LRMDA: variants seen among roughly 807,000 people sequenced by gnomAD.
The protein encoded by LRMDA is leucine-rich melanocyte differentiation-associated protein.
Under a neutral mutation model 29.8 loss-of-function variants are expected in LRMDA, and 18 were observed. The observed-to-expected ratio is 0.60, with a 90% CI of 0.42 to 0.90. The LOEUF (loss-of-function observed/expected upper bound fraction) is 0.90, where lower values mean the gene tolerates loss of function less well. LRMDA is among the 40% of genes least tolerant of loss of function. The pLI, the probability that LRMDA is intolerant of heterozygous loss-of-function variation, is 0.00. For missense variants in LRMDA, 273 were observed against 273.9 expected, an observed-to-expected ratio of 1.00 and a Z score of 0.02; for synonymous variants, 125 against 109.4, an observed-to-expected ratio of 1.14 and a Z score of -0.89.
At chr10:76,422,897 A>G (rs529205397) in intron 6 of LRMDA, among the ~76,000 whole-genome samples, 60 of 152,342 alleles carry the variant, frequency 3.9e-4, no homozygotes, top group African/African-American at 1.3e-3. Context: ...TTCCTCATGA[A>G]AAAAGAACTT....
chr10:75,895,880 A>G (rs559294900), intron 2 of LRMDA, among the ~76,000 whole-genome samples: 3 of 152,296 alleles, frequency 2.0e-5, no homozygotes, highest in East Asian at 3.9e-4. Flanking sequence ...AGAAATGAGT[A>G]TGGTGAAGTG....
intron 2 of LRMDA, among the ~76,000 whole-genome samples, chr10:75,803,966 C>G (rs769107691): frequency 1.3e-5 from 2 of 152,180 alleles, no homozygotes; most frequent in Non-Finnish European, 2.9e-5. Flanking sequence ...GATAGCGTGG[C>G]CTTTGTGGAG....
intron 5 of LRMDA, among the ~76,000 whole-genome samples, chr10:76,156,944 A>C (rs779268369): frequency 1.7e-4 from 26 of 152,090 alleles, no homozygotes; most frequent in Admixed American, 7.2e-4. Context: ...AATACATTTC[A>C]CTTTTAGGTT....
intron 5 of LRMDA, among the ~76,000 whole-genome samples, chr10:76,115,724 C>T (rs1849657243): frequency 6.6e-6 from 1 of 152,062 alleles, no homozygotes; most frequent in Admixed American, 6.5e-5. Context: ...TTTCACAGCT[C>T]CGGCTGTTAT....
rs77930527 is a variant in LRMDA, at chr10:75,938,577, A to T, written c.132-97431A>T. 8.1e-3 allele frequency among the ~76,000 whole-genome samples: 1,239 copies of T among 152,246 alleles called. 54 individuals carry two copies. In the East Asian group the frequency reaches 0.14, roughly 17 times the overall value. ...AAGCATCACTCCCTGCCTTCCCCCT[A>T]CCTCTGGAACTACGAGACAGGATGG... On this transcript the variant is annotated intron_variant, in intron 2 of 6. Transcript: ENST00000611255.
intron 6 of LRMDA, among the ~76,000 whole-genome samples, chr10:76,333,912 G>C (rs1840935713): frequency 6.6e-6 from 1 of 152,210 alleles, no homozygotes; most frequent in African/African-American, 2.4e-5. Context: ...AGCATGGTGT[G>C]TGGGAGGCTG....
At chr10:76,349,198 CTT>C (rs1841145221) in intron 6 of LRMDA, among the ~76,000 whole-genome samples, 1 of 152,114 alleles carries the variant, frequency 6.6e-6, no homozygotes, top group African/African-American at 2.4e-5. Context: ...GGTCAGCAAA[CTT>C]TTATCACAAA....
At chr10:75,610,680 C>T (rs2132098855) in intron 2 of LRMDA, among the ~76,000 whole-genome samples, 1 of 152,146 alleles carries the variant, frequency 6.6e-6, no homozygotes, top group Admixed American at 6.5e-5. Context: ...CCCAGGTTCC[C>T]CAGTCCTGAC....
At chr10:76,277,360 G>T (rs1465279243) in intron 5 of LRMDA, among the ~76,000 whole-genome samples, 1 of 152,126 alleles carries the variant, frequency 6.6e-6, no homozygotes, top group Non-Finnish European at 1.5e-5. Context: ...TGTATTTTGT[G>T]CAGTGTTTAG....
Position 76,386,838 on chromosome 10 carries a change from G to A in LRMDA, c.601+62353G>A, listed in dbSNP as rs1039435311. On this transcript the variant is annotated intron_variant, in intron 6 of 6. Transcript: ENST00000611255. ...TTAAATATTTTATTCCTTTATTATAGGAAGAGCTTTTACGAGTTCTACTGA... is the reference window on the plus strand; with the variant it reads ...TTAAATATTTTATTCCTTTATTATAAGAAGAGCTTTTACGAGTTCTACTGA... 7.9e-5 allele frequency among the ~76,000 whole-genome samples: 12 copies of A among 151,896 alleles called. No homozygotes were observed. In the East Asian group the frequency reaches 1.4e-3, roughly 17 times the overall value.
At chr10:75,854,352 G>A (rs1238494710) in intron 2 of LRMDA, among the ~76,000 whole-genome samples, 1 of 151,998 alleles carries the variant, frequency 6.6e-6, no homozygotes, top group Non-Finnish European at 1.5e-5. Context: ...TGGTTTCCCT[G>A]GGATAGTCTC....
intron 2 of LRMDA, among the ~76,000 whole-genome samples, chr10:75,896,751 A>T (rs4746339): frequency 0.76 from 116,099 of 152,012 alleles, 44,585 homozygotes; most frequent in East Asian, 0.98. Context: ...TATCCGCCCC[A>T]CTTCTCTCTT....
At chr10:75,909,185 A>G (rs140943680) in intron 2 of LRMDA, among the ~76,000 whole-genome samples, 1 of 152,352 alleles carries the variant, frequency 6.6e-6, no homozygotes, top group East Asian at 1.9e-4. Flanking sequence ...TTACCCTAGT[A>G]TAGTAAGTGC....
At chr10:75,877,160 A>C (rs1393957439) in intron 2 of LRMDA, among the ~76,000 whole-genome samples, 1 of 152,194 alleles carries the variant, frequency 6.6e-6, no homozygotes, top group African/African-American at 2.4e-5. Context: ...TCTTCACCAC[A>C]GTCTCAGCCT....
intron 2 of LRMDA, among the ~76,000 whole-genome samples, chr10:75,630,931 G>A (rs935996650): frequency 1.3e-5 from 2 of 152,306 alleles, no homozygotes; most frequent in South Asian, 2.1e-4. Flanking sequence ...GCCTGGCTAT[G>A]TGGATATAAA....
At chr10:75,487,585 C>T (rs1386044451) in intron 2 of LRMDA, among the ~76,000 whole-genome samples, 1 of 152,156 alleles carries the variant, frequency 6.6e-6, no homozygotes, top group African/African-American at 2.4e-5. Flanking sequence ...CACAGTTTCT[C>T]CTCCCACCCC....
intron 6 of LRMDA, among the ~76,000 whole-genome samples, chr10:76,439,531 CA>C (rs1842279142): frequency 6.6e-6 from 1 of 152,168 alleles, no homozygotes; most frequent in Non-Finnish European, 1.5e-5. Context: ...TAAACTAACA[CA>C]AAGGAAAGGT....
intron 2 of LRMDA, among the ~76,000 whole-genome samples, chr10:75,578,215 CAAAAAA>C (rs1183989010): frequency 6.3e-4 from 9 of 14,226 alleles, no homozygotes; most frequent in Non-Finnish European, 1.2e-3. Flanking sequence ...AAATGGAAAG[CAAAAAA>C]AAAAAAAAAA....
intron 2 of LRMDA, among the ~76,000 whole-genome samples, chr10:75,553,715 CTT>C (rs1840180931): frequency 6.6e-6 from 1 of 152,122 alleles, no homozygotes; most frequent in South Asian, 2.1e-4. Flanking sequence ...TAAAGCGCAC[CTT>C]TTAAGGAGGA....
Sources: gnomAD v4.1 joint callset for allele counts (sites outside exome capture counted in the v4.1 genomes callset) on GRCh38, gnomAD v4.1.1 for gene constraint, MANE v1.5 for transcripts, NCBI Gene and HGNC (gene_info 2026-07-23, HGNC 2026-07-21) for gene names.